The following ZC3H7A variants were observed in gnomAD, a reference collection of about 807,000 sequenced individuals.
ZC3H7A encodes zinc finger CCCH-type containing 7A.
Under a neutral mutation model 125.5 loss-of-function variants are expected in ZC3H7A, and 44 were observed. The ratio of observed to expected loss-of-function variants is 0.35; its 90% confidence interval spans 0.28 to 0.45. The LOEUF (loss-of-function observed/expected upper bound fraction) is 0.45, where lower values mean the gene tolerates loss of function less well. Ranked by LOEUF, ZC3H7A falls within the 20% of genes least tolerant of loss-of-function variation. ZC3H7A has a pLI of 1.00. For missense variants in ZC3H7A, 977 were observed against 1,170.7 expected (o/e 0.83, Z 2.41); for synonymous variants, 399 against 391.2 (o/e 1.02, Z -0.23).
chr16:11,784,931 G>A (rs2053232961), intron 1 of ZC3H7A, among the ~76,000 whole-genome samples: 1 of 151,466 alleles, frequency 6.6e-6, no homozygotes, highest in African/African-American at 2.4e-5. Context: ...GGCTGAGGTG[G>A]GCAGATCACC....
chr16:11,770,882 G>A lies in ZC3H7A; in HGVS notation c.1009C>T (p.Pro337Ser). The A allele has an allele frequency of 6.2e-7, 1 of 1,614,178 alleles. No individual in the cohort carries two copies. The highest frequency in any genetic ancestry group is 8.5e-7 in the Non-Finnish European group (1 of 1,180,030). Residue 337 changes from proline to serine, a missense_variant, in exon 10 of 23, where the codon CCT becomes TCT. Pro to Ser is a moderately conservative substitution (Grantham distance 74, BLOSUM62 -1). Around this residue, in one of 3 missense-constraint regions of ZC3H7A, gnomAD observed 342 missense variants for 311.3 expected, o/e 1.10. Transcript: ENST00000355758. ...TAAAATTCTGAGAAGGAGGGTGGAGGAGCATACCTCGCACCAATGGGTAAG... is the reference window on the plus strand; with the variant it reads ...TAAAATTCTGAGAAGGAGGGTGGAGAAGCATACCTCGCACCAATGGGTAAG... ...GTLPIGARYA[P>S]PPSFSEFYPP... is the part of the protein sequence containing the mutation.
Position 11,782,766 on chromosome 16 carries a change from G to A in ZC3H7A, c.-34-378C>T, listed in dbSNP as rs2053194535. 3 of 159,194 alleles carry A rather than the reference G, an allele frequency of 1.9e-5. No homozygotes were observed. In the South Asian group the frequency reaches 5.0e-4, roughly 27 times the overall value. 9.9% of individuals were successfully genotyped at this position (159,194 alleles called of 1,614,324 possible). A position where few individuals can be genotyped will look rare whatever the true frequency, so the allele number is the denominator to read the frequency against. On this transcript the variant is annotated intron_variant, in intron 1 of 22. Coordinates refer to ENST00000355758, the MANE Select transcript of ZC3H7A (RefSeq NM_014153.4). ...GAGTGGCTGGGACTCAGATGCCTGC[G>A]ACCACGCCTGGCTAATTTTTGTATT...
At chr16:11,762,075 T>C (rs777507441) in intron 17 of ZC3H7A, 32 bp from the exon 18 acceptor site, 2 of 1,546,544 alleles carry the variant, frequency 1.3e-6, no homozygotes, top group Non-Finnish European at 1.7e-6. Flanking sequence ...TTTTAATTTT[T>C]TTAACAGAAA....
At chr16:11,786,318 G>T (rs542568469) in intron 1 of ZC3H7A, among the ~76,000 whole-genome samples, 2 of 152,164 alleles carry the variant, frequency 1.3e-5, no homozygotes, top group African/African-American at 4.8e-5. Context: ...GGGAACAAAA[G>T]AAAAGGATGT....
At chr16:11,781,923 A>G (rs1193848659) in intron 2 of ZC3H7A, among the ~76,000 whole-genome samples, 2 of 152,144 alleles carry the variant, frequency 1.3e-5, no homozygotes, top group Non-Finnish European at 2.9e-5. Flanking sequence ...AAGAAGTCCA[A>G]TTAAACACTG....
chr16:11,771,122 G>A (rs2052973172), intron 9 of ZC3H7A, 135 bp from the exon 10 acceptor site: 1 of 879,326 alleles, frequency 1.1e-6, no homozygotes, highest in East Asian at 2.7e-5. Flanking sequence ...GGCCAGGCAT[G>A]GTGGCCTGTA....
At chr16:11,761,734 G>C (rs2052756331) in intron 18 of ZC3H7A, 176 bp downstream of exon 18, 1 of 933,898 alleles carries the variant, frequency 1.1e-6, no homozygotes, top group Non-Finnish European at 1.6e-6. Context: ...AACACTACTT[G>C]TGAATTCTTA....
chr16:11,751,636 AG>A lies in ZC3H7A; in HGVS notation c.2727-131del, dbSNP rs1412113440. ...ACTTTTAGTTAGGAATCTCAAGCCT[AG>A]AATGGTAAATATTTTATAGCCATGA... On this transcript the variant is annotated intron_variant, in intron 22 of 22. Coordinates refer to ENST00000355758, the MANE Select transcript of ZC3H7A (RefSeq NM_014153.4). 71 of 872,214 alleles carry A rather than the reference AG, an allele frequency of 8.1e-5. No individual in the cohort carries two copies. In the African/African-American group the frequency reaches 1.1e-3, roughly 14 times the overall value. The allele number at this position is 872,214 out of a possible 1,614,324, so 54.0% of individuals were successfully genotyped here.
At position 11,751,518 on chromosome 16, in the gene ZC3H7A, A is replaced by C; in HGVS notation, c.2727-12T>G. 6.2e-7 allele frequency: 1 copy of C among 1,609,016 alleles called. No individual in the cohort carries two copies. Among genetic ancestry groups the C allele is most frequent in the Non-Finnish European group, 8.5e-7 (1 of 1,178,202 alleles). On this transcript the variant is annotated splice_polypyrimidine_tract_variant and intron_variant, in intron 22 of 22. Coordinates refer to ENST00000355758, the MANE Select transcript of ZC3H7A (RefSeq NM_014153.4). ...TGCCATTCATATACCTGTAAGGAGA[A>C]GTCAGCTGCTCAGTGTCCATATAAG... is the stretch of plus-strand genomic sequence containing the variant.
At chr16:11,752,643 T>C (rs936732790) in intron 22 of ZC3H7A, 26 bp downstream of exon 22, 2 of 1,588,402 alleles carry the variant, frequency 1.3e-6, no homozygotes, top group East Asian at 2.3e-5. Flanking sequence ...AATTCTGACA[T>C]GGAAAAATTG....
At chr16:11,790,435 T>C (rs944076752) in intron 1 of ZC3H7A, among the ~76,000 whole-genome samples, 1 of 152,218 alleles carries the variant, frequency 6.6e-6, no homozygotes, top group African/African-American at 2.4e-5. Flanking sequence ...GCTCTTTATA[T>C]GTTGAGGAAA....
At chr16:11,782,693 G>A (rs1416251193) in intron 1 of ZC3H7A, 2 of 181,168 alleles carry the variant, frequency 1.1e-5, no homozygotes, top group Admixed American at 6.5e-5. Context: ...TCGGCTCACT[G>A]CAAACTTCAC....
At chr16:11,757,008 C>T (rs72782718) in intron 20 of ZC3H7A, among the ~76,000 whole-genome samples, 61 of 152,178 alleles carry the variant, frequency 4.0e-4, no homozygotes, top group Non-Finnish European at 6.9e-4. Flanking sequence ...TGAGGTTTCT[C>T]AGCCTCCATG....
At chr16:11,778,515 C>T (rs1055347459) in intron 4 of ZC3H7A, among the ~76,000 whole-genome samples, 1 of 149,504 alleles carries the variant, frequency 6.7e-6, no homozygotes, top group African/African-American at 2.5e-5. Context: ...TGGATCTTGA[C>T]TAAGATGTTA....
intron 17 of ZC3H7A, 21 bp downstream of exon 17, chr16:11,762,650 A>G (rs2052771657): frequency 1.9e-6 from 3 of 1,612,574 alleles, no homozygotes; most frequent in Non-Finnish European, 1.7e-6. Flanking sequence ...CAAATGCAGA[A>G]AGTACACAAG....
At chr16:11,779,057 G>T (rs748540728) in intron 4 of ZC3H7A, 109 bp downstream of exon 4, 484 of 961,714 alleles carry the variant, frequency 5.0e-4, no homozygotes, top group Non-Finnish European at 6.9e-4. Context: ...CCAAAAGCAG[G>T]TAATATGACT....
At chr16:11,759,726 G>A (rs1056988066) in intron 19 of ZC3H7A, 1 of 152,124 alleles carries the variant, frequency 6.6e-6, no homozygotes, top group East Asian at 1.9e-4. Context: ...ACTTGACTGG[G>A]GCCCTTCTGG....
intron 9 of ZC3H7A, among the ~76,000 whole-genome samples, chr16:11,771,740 A>G (rs1486194812): frequency 1.3e-5 from 2 of 152,040 alleles, no homozygotes; most frequent in African/African-American, 2.4e-5. Context: ...ACCTGAAGTG[A>G]TCCAACCGCC....
chr16:11,759,340 G>A (rs1597537448), intron 19 of ZC3H7A: 1 of 152,318 alleles, frequency 6.6e-6, no homozygotes, highest in Middle Eastern at 3.4e-3. Context: ...AACGGCAGCT[G>A]GCCCTACATT....
Sources: gnomAD v4.1 joint callset for allele counts (sites outside exome capture counted in the v4.1 genomes callset) on GRCh38, gnomAD v4.1.1 for gene constraint, gnomAD v4.1.1 regional missense constraint, MANE v1.5 for transcripts, NCBI Gene and HGNC (gene_info 2026-07-23, HGNC 2026-07-21) for gene names.